GPR107: variants seen among roughly 807,000 people sequenced by gnomAD.
The protein encoded by GPR107 is protein GPR107.
In GPR107, 31 loss-of-function variants were observed where a neutral mutation model predicts 75.5. The ratio of observed to expected loss-of-function variants is 0.41; its 90% CI spans 0.31 to 0.55. The LOEUF is 0.55. Ranked by LOEUF, GPR107 falls within the 20% of genes least tolerant of loss-of-function variation. GPR107 has a pLI of 0.26. For missense variants in GPR107, 572 were observed against 665.7 expected, an observed-to-expected ratio of 0.86 and a Z score of 1.55; for synonymous variants, 267 against 251.3, an observed-to-expected ratio of 1.06 and a Z score of -0.59.
chr9:130,073,977 G>T (rs561680373), intron 1 of GPR107, among the ~76,000 whole-genome samples: 5 of 152,146 alleles, frequency 3.3e-5, no homozygotes, highest in African/African-American at 1.2e-4. Flanking sequence ...GGCTGGTCTC[G>T]AACTCCTGAC....
At chr9:130,080,326 A>G (rs1158089668) in intron 5 of GPR107, among the ~76,000 whole-genome samples, 5 of 152,204 alleles carry the variant, frequency 3.3e-5, no homozygotes, top group Admixed American at 1.3e-4. Flanking sequence ...ATATTTTTAA[A>G]TTCCTTTCCA....
intron 9 of GPR107, among the ~76,000 whole-genome samples, chr9:130,092,812 G>A (rs1470497973): frequency 6.6e-6 from 1 of 152,024 alleles, no homozygotes; most frequent in African/African-American, 2.4e-5. Context: ...GTGGTGATGG[G>A]GTTTCACCGT....
At chr9:130,075,229 C>A (rs1589491149) in intron 1 of GPR107, among the ~76,000 whole-genome samples, 1 of 141,126 alleles carries the variant, frequency 7.1e-6, no homozygotes, top group African/African-American at 2.6e-5. Context: ...TTTTTCTCTT[C>A]TTTTCTTTTA....
chr9:130,062,883 C>T (rs1006151332), intron 1 of GPR107, among the ~76,000 whole-genome samples: 4 of 152,158 alleles, frequency 2.6e-5, no homozygotes, highest in African/African-American at 9.7e-5. Context: ...ACCACCACAT[C>T]TGACTAATTT....
intron 12 of GPR107, among the ~76,000 whole-genome samples, chr9:130,102,824 C>T (rs751984794): frequency 2.6e-5 from 4 of 152,144 alleles, no homozygotes; most frequent in African/African-American, 7.2e-5. Context: ...CTCACTCTGT[C>T]GCCCGGGCTG....
At chr9:130,092,476 C>A in intron 9 of GPR107, 95 bp downstream of exon 9, 1 of 986,628 alleles carries the variant, frequency 1.0e-6, no homozygotes, top group South Asian at 1.4e-5. Flanking sequence ...TGTCACTTAG[C>A]AGTGTTGTTC....
At chr9:130,093,344 A>G (rs1038460051) in intron 9 of GPR107, among the ~76,000 whole-genome samples, 10 of 152,314 alleles carry the variant, frequency 6.6e-5, no homozygotes, top group Non-Finnish European at 1.2e-4. Context: ...AGAATCGTGT[A>G]AAGTATTTAT....
In GPR107 at chr9:130,090,961, A is replaced by G. The variant is rs1830718974; in HGVS notation, c.707A>G (p.Asp236Gly). Reference protein sequence around the residue: ...HKCLGKELPSDKFTFSLDIEI... With the variant: ...HKCLGKELPSGKFTFSLDIEI... ...TGCCTTGGAAAAGAATTGCCAAGTGACAAGTTTACATTCAGCCTTGATGTG... is the reference window on the plus strand; with the variant it reads ...TGCCTTGGAAAAGAATTGCCAAGTGGCAAGTTTACATTCAGCCTTGATGTG... The change falls in exon 8 of 18, where the codon GAC becomes GGC. Residue 236 changes from aspartate to glycine, a missense_variant. Asp to Gly is a moderately conservative substitution (Grantham distance 94, BLOSUM62 -1). Coordinates refer to ENST00000347136, the MANE Select transcript of GPR107 (RefSeq NM_020960.5). 1.3e-6 allele frequency: 2 copies of G among 1,487,434 alleles called. No homozygotes were observed. The highest frequency in any genetic ancestry group is 1.9e-6 in the Non-Finnish European group (2 of 1,066,112). 92.1% of individuals were successfully genotyped at this position (1,487,434 alleles called of 1,614,324 possible). A position where few individuals can be genotyped will look rare whatever the true frequency, so the allele number is the denominator to read the frequency against.
At chr9:130,106,616 T>TG (rs1831163447) in intron 13 of GPR107, among the ~76,000 whole-genome samples, 1 of 41,974 alleles carries the variant, frequency 2.4e-5, no homozygotes, top group Non-Finnish European at 4.6e-5. Context: ...AATAAATAAA[T>TG]AAATAATAAT....
chr9:130,115,825 C>T (rs1256444195), intron 14 of GPR107, among the ~76,000 whole-genome samples: 1 of 151,416 alleles, frequency 6.6e-6, no homozygotes, highest in African/African-American at 2.4e-5. Context: ...ACCCCAGCTA[C>T]TTGGGAGGCT....
Position 130,069,087 on chromosome 9 carries a change from A to G in GPR107, c.142-6549A>G, listed in dbSNP as rs191564959. The stretch of plus-strand genomic sequence containing the variant: ...TTGTAAAAAGTATGTGGTAGTTAAA[A>G]AAATAGATTTGGGACTTAATTCTGA... On this transcript the variant is annotated intron_variant, in intron 1 of 17. Transcript: ENST00000347136. 3.2e-4 allele frequency among the ~76,000 whole-genome samples: 48 copies of G among 152,270 alleles called. 2 individuals carry two copies. The East Asian group carries it at 9.1e-3, about 29-fold the overall frequency.
chr9:130,135,331 C>T lies in GPR107; in HGVS notation c.*210C>T. The T allele has an allele frequency of 2.3e-6, 1 of 443,318 alleles. No individual in the cohort carries two copies. Among genetic ancestry groups the T allele is most frequent in the East Asian group, 3.8e-5 (1 of 26,198 alleles). 27.5% of individuals were successfully genotyped at this position (443,318 alleles called of 1,614,324 possible). On this transcript the variant is annotated 3_prime_UTR_variant, in exon 18 of 18. Transcript: ENST00000347136. ...GGCTGTTTAGAGGCAGCTGGATCCT[C>T]TTTCAGGCGGGAATGGGAGGGCGGG...
At chr9:130,102,298 G>A (rs1209919341) in intron 12 of GPR107, among the ~76,000 whole-genome samples, 2 of 152,222 alleles carry the variant, frequency 1.3e-5, no homozygotes, top group Non-Finnish European at 2.9e-5. Context: ...ACAGCCTGCC[G>A]AGGTCTCGGA....
In GPR107 at chr9:130,075,750, G is replaced by C; in HGVS notation, c.255+1G>C. The C allele has an allele frequency of 7.5e-7, 1 of 1,339,122 alleles. No individual in the cohort carries two copies. The highest frequency in any genetic ancestry group is 1.1e-6 in the Non-Finnish European group (1 of 931,412). The allele number at this position is 1,339,122 out of a possible 1,614,324, so 83.0% of individuals were successfully genotyped here. On this transcript the variant is annotated splice_donor_variant, in intron 2 of 17. Transcript: ENST00000347136. LOFTEE classifies it high-confidence loss of function. ...TGAGCCTGAAGACAAGGATGTGACT[G>C]TAAGTACCTTTTAATGAGATCCAGG... is the stretch of plus-strand genomic sequence containing the variant.
At chr9:130,134,570 T>G (rs1384726064) in intron 17 of GPR107, among the ~76,000 whole-genome samples, 1 of 152,236 alleles carries the variant, frequency 6.6e-6, no homozygotes, top group Non-Finnish European at 1.5e-5. Flanking sequence ...TGTGGTTCTG[T>G]CCCCTGGCTC....
chr9:130,083,596 T>C lies in GPR107; in HGVS notation c.558T>C (p.Asp186=). 1 of 1,525,570 alleles carries C rather than the reference T, an allele frequency of 6.6e-7. No individual in the cohort carries two copies. Among genetic ancestry groups the C allele is most frequent in the Admixed American group, 2.5e-5 (1 of 40,156 alleles). The allele number at this position is 1,525,570 out of a possible 1,614,324, so 94.5% of individuals were successfully genotyped here. ...GAAAGTCTAAAAGAAGTACAGTGGA[T>C]TCAAAGGTAAGAACTAACCACCCTT... ...DGGKSKRSTV[D]SKAMGEKSFS... The change falls in exon 6 of 18, where the codon GAT becomes GAC. Residue 186 remains aspartate (D), a synonymous_variant. Transcript: ENST00000347136.
chr9:130,092,313 A>G lies in GPR107; in HGVS notation c.795A>G (p.Leu265=). Residue 265 remains leucine, a synonymous_variant, in exon 9 of 18, where the codon TTA becomes TTG. Coordinates refer to ENST00000347136, the MANE Select transcript of GPR107 (RefSeq NM_020960.5). Reference sequence around the variant, plus strand: ...CAGGAGAAATTCCTCTCCCCAAATTATACATCTCAATGGCCTTTTTCTTCT... The same window carrying G: ...CAGGAGAAATTCCTCTCCCCAAATTGTACATCTCAATGGCCTTTTTCTTCT... ...LSAGEIPLPK[L]YISMAFFFFL... 1 of 1,607,244 alleles carries G rather than the reference A, an allele frequency of 6.2e-7. No homozygotes were observed. The highest frequency in any genetic ancestry group is 8.5e-7 in the Non-Finnish European group (1 of 1,173,784).
intron 1 of GPR107, among the ~76,000 whole-genome samples, chr9:130,066,685 T>C (rs968179733): frequency 6.6e-5 from 10 of 151,130 alleles, no homozygotes; most frequent in African/African-American, 2.2e-4. Context: ...GTCTTGGGAG[T>C]GTAGAAAAGA....
intron 17 of GPR107, among the ~76,000 whole-genome samples, chr9:130,132,829 T>TTTTATA (rs1554899354): frequency 1.4e-5 from 2 of 147,698 alleles, no homozygotes; most frequent in African/African-American, 5.0e-5. Context: ...TTTTATATAT[T>TTTTATA]TATATATATA....
Sources: gnomAD v4.1 joint callset for allele counts (sites outside exome capture counted in the v4.1 genomes callset) on GRCh38, gnomAD v4.1.1 for gene constraint, MANE v1.5 for transcripts, NCBI Gene and HGNC (gene_info 2026-07-23, HGNC 2026-07-21) for gene names.